SH3GL2: variants seen among roughly 807,000 people sequenced by gnomAD.
SH3GL2 encodes SH3 domain containing GRB2 like 2, endophilin A1.
SH3GL2 carries 24 observed loss-of-function variants against 46.0 expected under a neutral mutation model. The ratio of observed to expected loss-of-function variants is 0.52; its 90% CI spans 0.38 to 0.73. The LOEUF (loss-of-function observed/expected upper bound fraction) is 0.73, where lower values mean the gene tolerates loss of function less well. Ranked by LOEUF, SH3GL2 falls within the 30% of genes least tolerant of loss-of-function variation. The pLI, the probability that SH3GL2 is intolerant of heterozygous loss-of-function variation, is 0.00. For missense variants in SH3GL2, 413 were observed against 424.2 expected, an observed-to-expected ratio of 0.97 and a Z score of 0.23; for synonymous variants, 196 against 147.1, an observed-to-expected ratio of 1.33 and a Z score of -2.40.
chr9:17,645,146 C>T (rs1303013117), intron 1 of SH3GL2, among the ~76,000 whole-genome samples: 26 of 110,092 alleles, frequency 2.4e-4, no homozygotes, highest in Admixed American at 1.4e-3. Flanking sequence ...GGATTGCAAA[C>T]GCTGCTTTTT....
At chr9:17,775,897 T>C (rs1435815296) in intron 3 of SH3GL2, among the ~76,000 whole-genome samples, 2 of 152,172 alleles carry the variant, frequency 1.3e-5, no homozygotes, top group Non-Finnish European at 2.9e-5. Flanking sequence ...GATTCTCTTC[T>C]TCCCTGTTGT....
At chr9:17,732,740 T>A (rs937021853) in intron 1 of SH3GL2, among the ~76,000 whole-genome samples, 2 of 152,144 alleles carry the variant, frequency 1.3e-5, no homozygotes, top group African/African-American at 4.8e-5. Context: ...TAAAACCTAA[T>A]TGATTTTAAT....
At chr9:17,710,540 C>G (rs1033529406) in intron 1 of SH3GL2, among the ~76,000 whole-genome samples, 2 of 151,890 alleles carry the variant, frequency 1.3e-5, no homozygotes, top group Non-Finnish European at 2.9e-5. Context: ...TGCAGGAATT[C>G]TACTTCTAGA....
intron 5 of SH3GL2, 72 bp downstream of exon 5, chr9:17,787,585 A>G (rs1343883701): frequency 6.0e-6 from 8 of 1,337,310 alleles, no homozygotes; most frequent in Middle Eastern, 1.9e-4. Context: ...TTTCTTTAGA[A>G]AACATTTTTT....
chr9:17,697,344 C>T (rs1164728549), intron 1 of SH3GL2, among the ~76,000 whole-genome samples: 2 of 151,986 alleles, frequency 1.3e-5, no homozygotes, highest in Non-Finnish European at 2.9e-5. Flanking sequence ...CTGCCTCAGC[C>T]ACCTGAGTAG....
chr9:17,626,202 C>T (rs940039155), intron 1 of SH3GL2, among the ~76,000 whole-genome samples: 1 of 152,198 alleles, frequency 6.6e-6, no homozygotes, highest in Non-Finnish European at 1.5e-5. Context: ...CTGACCTCCA[C>T]CTGGCACCTG....
At chr9:17,740,489 TTG>T (rs1230984966) in intron 1 of SH3GL2, among the ~76,000 whole-genome samples, 1 of 152,106 alleles carries the variant, frequency 6.6e-6, no homozygotes, top group African/African-American at 2.4e-5. Context: ...TTGTATTGTA[TTG>T]TATTTTTTAA....
At chr9:17,642,492 C>T (rs138236993) in intron 1 of SH3GL2, among the ~76,000 whole-genome samples, 5 of 152,060 alleles carry the variant, frequency 3.3e-5, no homozygotes, top group South Asian at 2.1e-4. Flanking sequence ...TTAGGTCTGA[C>T]GTTTAAATAT....
chr9:17,644,069 T>A (rs1049686955), intron 1 of SH3GL2, among the ~76,000 whole-genome samples: 2 of 152,198 alleles, frequency 1.3e-5, no homozygotes, highest in Admixed American at 6.5e-5. Flanking sequence ...TGGGAGGGTG[T>A]ATGTGTCCAG....
chr9:17,733,421 A>C (rs9696894), intron 1 of SH3GL2, among the ~76,000 whole-genome samples: 46,645 of 151,374 alleles, frequency 0.31, 7,762 homozygotes, highest in East Asian at 0.6. Context: ...TGCTATCCCT[A>C]CCCATCTCAC....
At chr9:17,690,043 C>T (rs777325055) in intron 1 of SH3GL2, among the ~76,000 whole-genome samples, 3 of 152,126 alleles carry the variant, frequency 2.0e-5, no homozygotes, top group Middle Eastern at 3.4e-3. Flanking sequence ...AATGCTTAAC[C>T]GCACATTCTG....
chr9:17,786,312 CT>C, intron 3 of SH3GL2, 68 bp from the exon 4 acceptor site: 2 of 1,460,826 alleles, frequency 1.4e-6, no homozygotes, highest in Non-Finnish European at 1.9e-6. Context: ...AGACCTGATC[CT>C]CCATCCAGCC....
At position 17,761,475 on chromosome 9, in the gene SH3GL2, G is replaced by C. The variant is rs1184072165; in HGVS notation, c.153G>C (p.Met51Ile). Residue 51 changes from methionine (M) to isoleucine (I), a missense_variant, in exon 3 of 9, where the codon ATG becomes ATC. By Grantham distance (10) the Met-to-Ile change is conservative (BLOSUM62 1). Coordinates refer to ENST00000380607, the MANE Select transcript of SH3GL2 (RefSeq NM_003026.5). Reference sequence around the variant, plus strand: ...CCAGCAGGGCTGTGATGGAAATAATGACTAAAACAATTGAATACCTTCAAC... The same window carrying C: ...CCAGCAGGGCTGTGATGGAAATAATCACTAAAACAATTGAATACCTTCAAC... ...DVTSRAVMEI[M>I]TKTIEYLQPN... 1 of 1,607,838 alleles carries C rather than the reference G, an allele frequency of 6.2e-7. No homozygotes were observed. The highest frequency in any genetic ancestry group is 8.5e-7 in the Non-Finnish European group (1 of 1,174,280).
intron 1 of SH3GL2, among the ~76,000 whole-genome samples, chr9:17,630,844 T>A (rs898604601): frequency 6.6e-6 from 1 of 152,170 alleles, no homozygotes; most frequent in Non-Finnish European, 1.5e-5. Context: ...GTCTCTTGCC[T>A]GCTGTTTTAT....
intron 1 of SH3GL2, among the ~76,000 whole-genome samples, chr9:17,597,974 C>T (rs1818605051): frequency 6.6e-6 from 1 of 152,140 alleles, no homozygotes; most frequent in East Asian, 1.9e-4. Context: ...CATTCCCTGC[C>T]CCCGTGGAAC....
At chr9:17,731,215 A>G (rs1822169417) in intron 1 of SH3GL2, among the ~76,000 whole-genome samples, 1 of 152,032 alleles carries the variant, frequency 6.6e-6, no homozygotes, top group African/African-American at 2.4e-5. Flanking sequence ...TATAAATCTT[A>G]TGTTTCTCCC....
intron 1 of SH3GL2, among the ~76,000 whole-genome samples, chr9:17,701,408 T>C (rs1336127228): frequency 6.6e-6 from 1 of 151,944 alleles, no homozygotes; most frequent in African/African-American, 2.4e-5. Flanking sequence ...TGGTAGCAGG[T>C]AGTGGGTGAG....
intron 1 of SH3GL2, among the ~76,000 whole-genome samples, chr9:17,582,016 C>T (rs748105764): frequency 2.0e-4 from 30 of 152,128 alleles, no homozygotes; most frequent in Non-Finnish European, 2.8e-4. Context: ...AGTCTGTTCA[C>T]GCAAACGTTT....
chr9:17,657,909 A>T (rs1191486371), intron 1 of SH3GL2, among the ~76,000 whole-genome samples: 4 of 152,164 alleles, frequency 2.6e-5, no homozygotes, highest in Admixed American at 2.6e-4. Context: ...GGTTTTCAAG[A>T]TACTCATTTT....
Sources: gnomAD v4.1 joint callset for allele counts (sites outside exome capture counted in the v4.1 genomes callset) on GRCh38, gnomAD v4.1.1 for gene constraint, MANE v1.5 for transcripts, NCBI Gene and HGNC (gene_info 2026-07-23, HGNC 2026-07-21) for gene names.